SLC12A1: variants seen among roughly 807,000 people sequenced by gnomAD.
SLC12A1 encodes solute carrier family 12 member 1.
A neutral mutation model predicts 130.4 loss-of-function variants in SLC12A1; 89 were observed. The ratio of observed to expected loss-of-function variants is 0.68; its 90% CI spans 0.58 to 0.81. The LOEUF (loss-of-function observed/expected upper bound fraction) is 0.81. SLC12A1 is among the 40% of genes least tolerant of loss of function. The pLI is 0.00. For synonymous variants in SLC12A1, 499 were observed against 460.0 expected (o/e 1.08, Z -1.09); for missense variants, 1,310 against 1,336.4 (o/e 0.98, Z 0.31).
Position 48,260,259 on chromosome 15 carries a change from C to CATAATA in SLC12A1, c.2154+971_2154+976dup, listed in dbSNP as rs199909192. ...CAGCCTGGGCTACAGAGCAAGACTC[C>CATAATA]ATAATAATAATAATAATAATAATAA... On this transcript the variant is annotated intron_variant, in intron 17 of 26. Coordinates refer to ENST00000380993, the MANE Select transcript of SLC12A1 (RefSeq NM_000338.3). 7.3e-4 allele frequency among the ~76,000 whole-genome samples: 107 copies of CATAATA among 145,968 alleles called. 1 individual carries two copies. The East Asian group carries it at 0.011, about 15-fold the overall frequency.
At chr15:48,266,335 G>A (rs989717522) in intron 17 of SLC12A1, among the ~76,000 whole-genome samples, 10 of 152,060 alleles carry the variant, frequency 6.6e-5, no homozygotes, top group Non-Finnish European at 4.4e-5. Flanking sequence ...AACCTTGCAC[G>A]AGCAAGAGTT....
intron 7 of SLC12A1, among the ~76,000 whole-genome samples, chr15:48,230,963 A>G (rs563957649): frequency 9.2e-5 from 14 of 152,362 alleles, no homozygotes; most frequent in African/African-American, 3.4e-4. Context: ...AGGCTTTAGA[A>G]CCAGAAAATC....
chr15:48,258,443 A>T (rs992306874), intron 16 of SLC12A1, among the ~76,000 whole-genome samples: 20 of 150,038 alleles, frequency 1.3e-4, no homozygotes, highest in African/African-American at 4.6e-4. Flanking sequence ...AGACCACCTC[A>T]GCCTGAACTT....
intron 24 of SLC12A1, among the ~76,000 whole-genome samples, chr15:48,294,204 C>G (rs191412036): frequency 4.0e-5 from 6 of 151,384 alleles, no homozygotes; most frequent in African/African-American, 1.5e-4. Context: ...CAAAAATAGC[C>G]GGGTATGGTG....
At chr15:48,233,650 T>A (rs1311264501) in intron 8 of SLC12A1, among the ~76,000 whole-genome samples, 1 of 152,156 alleles carries the variant, frequency 6.6e-6, no homozygotes, top group Non-Finnish European at 1.5e-5. Context: ...CACTGCTGAG[T>A]TTTTCAATGT....
chr15:48,278,222 C>A (rs1326336955), intron 20 of SLC12A1, among the ~76,000 whole-genome samples: 1 of 152,148 alleles, frequency 6.6e-6, no homozygotes, highest in Non-Finnish European at 1.5e-5. Context: ...CCAGCCTGGG[C>A]GAAAGAGCGA....
intron 23 of SLC12A1, among the ~76,000 whole-genome samples, chr15:48,289,340 G>A (rs2141116241): frequency 6.9e-6 from 1 of 144,992 alleles, no homozygotes; most frequent in South Asian, 2.2e-4. Flanking sequence ...GCTTTATTCA[G>A]TAATTTTTAA....
At chr15:48,264,678 A>C (rs1301367346) in intron 17 of SLC12A1, among the ~76,000 whole-genome samples, 5 of 152,206 alleles carry the variant, frequency 3.3e-5, no homozygotes, top group African/African-American at 4.8e-5. Context: ...TCTTTCCCAC[A>C]ATTCCAACCA....
In SLC12A1 at chr15:48,207,698, A is replaced by G. The variant is rs1411072274; in HGVS notation, c.-22A>G. On this transcript the variant is annotated 5_prime_UTR_variant, in exon 2 of 27. Coordinates refer to ENST00000380993, the MANE Select transcript of SLC12A1 (RefSeq NM_000338.3). ...AAAACAACCACAAAGTAGATAGCTCAGTAAAAAATCAATTTTGGAAGATGT... is the reference window on the plus strand; with the variant it reads ...AAAACAACCACAAAGTAGATAGCTCGGTAAAAAATCAATTTTGGAAGATGT... 6.6e-7 allele frequency: 1 copy of G among 1,526,530 alleles called. No homozygotes were observed. The highest frequency in any genetic ancestry group is 1.4e-5 in the African/African-American group (1 of 72,038). The allele number at this position is 1,526,530 out of a possible 1,614,324, so 94.6% of individuals were successfully genotyped here.
intron 9 of SLC12A1, chr15:48,237,119 C>T: frequency 3.0e-6 from 2 of 672,960 alleles, no homozygotes; most frequent in East Asian, 5.5e-5. Flanking sequence ...GCAGAAATTG[C>T]CTGTCCCCTC....
intron 9 of SLC12A1, among the ~76,000 whole-genome samples, chr15:48,240,050 C>CATATATATATATATCCAT (rs2041490837): frequency 3.1e-4 from 2 of 6,410 alleles, no homozygotes; most frequent in Non-Finnish European, 9.7e-4. Flanking sequence ...TATATATATC[C>CATATATATATATATCCAT]ATATATATAT....
At chr15:48,261,651 G>A (rs2041776491) in intron 17 of SLC12A1, among the ~76,000 whole-genome samples, 1 of 152,230 alleles carries the variant, frequency 6.6e-6, no homozygotes, top group South Asian at 2.1e-4. Flanking sequence ...AGGGGATATA[G>A]GGGGAGTAAG....
intron 9 of SLC12A1, chr15:48,235,414 G>C: frequency 7.1e-6 from 2 of 280,190 alleles, no homozygotes; most frequent in Non-Finnish European, 1.4e-5. Context: ...TAATTATTCT[G>C]TGTGAAGTAC....
In SLC12A1 at chr15:48,303,482, G is replaced by A. The variant is rs1433040594; in HGVS notation, c.*597G>A. The A allele has an allele frequency of 6.6e-6, 1 of 152,050 alleles. No homozygotes were observed. The highest frequency in any genetic ancestry group is 2.4e-5 in the African/African-American group (1 of 41,376). 9.4% of individuals were successfully genotyped at this position (152,050 alleles called of 1,614,324 possible). Reference sequence around the variant, plus strand: ...ATATTCAAAGCAGTTACCTAAATAAGGTTATTTAATGTAACAGATTATATA... The same window carrying A: ...ATATTCAAAGCAGTTACCTAAATAAAGTTATTTAATGTAACAGATTATATA... On this transcript the variant is annotated 3_prime_UTR_variant, in exon 27 of 27. Transcript: ENST00000380993.
chr15:48,220,697 G>T lies in SLC12A1; in HGVS notation c.484G>T (p.Glu162Ter). 1.2e-6 allele frequency: 2 copies of T among 1,613,774 alleles called. No individual in the cohort carries two copies. The highest frequency in any genetic ancestry group is 1.7e-5 in the Admixed American group (1 of 60,000). ...TAACGGTGATGGGATACCTGGAGATGAACAAGCTGAAAATAAGGAAGATGA... is the reference window on the plus strand; with the variant it reads ...TAACGGTGATGGGATACCTGGAGATTAACAAGCTGAAAATAAGGAAGATGA... Reference protein sequence around the residue: ...VANGDGIPGDEQAENKEDDQA... With the variant: ...VANGDGIPGD Residue 162 changes from glutamate to a stop codon, truncating the protein, a stop_gained, in exon 3 of 27, where the codon GAA becomes TAA. Transcript: ENST00000380993. LOFTEE classifies it high-confidence loss of function.
intron 18 of SLC12A1, 115 bp downstream of exon 18, chr15:48,267,816 C>A: frequency 9.0e-7 from 1 of 1,107,502 alleles, no homozygotes; most frequent in Non-Finnish European, 1.3e-6. Context: ...GAGATCAGTG[C>A]AGATGGTTAA....
intron 5 of SLC12A1, chr15:48,228,581 A>G (rs2041324185): frequency 4.8e-6 from 1 of 210,142 alleles, no homozygotes; most frequent in Non-Finnish European, 1.0e-5. Flanking sequence ...TTTTGTATAT[A>G]TATGTTTATA....
chr15:48,302,224 A>AG (rs1219433097), intron 26 of SLC12A1, among the ~76,000 whole-genome samples: 1 of 152,212 alleles, frequency 6.6e-6, no homozygotes, highest in Non-Finnish European at 1.5e-5. Flanking sequence ...ACAATACCTA[A>AG]GCCTGTTTTT....
intron 2 of SLC12A1, among the ~76,000 whole-genome samples, chr15:48,212,990 A>G (rs889221945): frequency 2.0e-4 from 30 of 152,346 alleles, no homozygotes; most frequent in African/African-American, 5.8e-4. Flanking sequence ...TTCTCACTCA[A>G]TCCTTAACAA....
Sources: allele counts gnomAD v4.1 joint callset (sites outside exome capture counted in the v4.1 genomes callset), GRCh38; gene constraint gnomAD v4.1.1; transcripts MANE v1.5; gene names NCBI Gene and HGNC (gene_info 2026-07-23, HGNC 2026-07-21).